Variants in UBA7 observed in about 807,000 individuals in gnomAD.
UBA7 encodes the protein ubiquitin-like modifier-activating enzyme 7.
UBA7 carries 88 observed loss-of-function variants against 113.0 expected under a neutral mutation model. That is an observed-to-expected ratio of 0.78 (90% CI 0.66 to 0.93). UBA7 has a LOEUF of 0.93. Ranked by LOEUF, UBA7 falls within the 40% of genes least tolerant of loss-of-function variation. The pLI is 0.00. For synonymous variants in UBA7, 459 were observed against 513.0 expected (o/e 0.89, Z 1.42); for missense variants, 1,092 against 1,266.4 (o/e 0.86, Z 2.09).
Position 49,807,723 on chromosome 3 carries a change from A to G in UBA7, c.2715+13T>C. On this transcript the variant is annotated intron_variant, in intron 21 of 23. Coordinates refer to ENST00000333486, the MANE Select transcript of UBA7 (RefSeq NM_003335.3). This position sits in a 1 kb window ranked among gnomAD's most constrained non-coding sequence, Gnocchi z 4.0. ...GGCCTAGTAGGGCTAAGGGTGGGGT[A>G]TCATGGGCTCACCGTCTGGATGGCT... 1.3e-6 allele frequency: 2 copies of G among 1,596,802 alleles called. No individual in the cohort carries two copies. The highest frequency in any genetic ancestry group is 1.7e-6 in the Non-Finnish European group (2 of 1,170,880).
chr3:49,806,270 A>G, intron 21 of UBA7, 105 bp from the exon 22 acceptor site: 1 of 723,694 alleles, frequency 1.4e-6, no homozygotes. Context: ...AGCAGGAAAC[A>G]GGAGCCAGGG....
intron 23 of UBA7, 33 bp from the exon 24 acceptor site, chr3:49,805,470 G>A (rs1270478276): frequency 3.1e-6 from 5 of 1,603,084 alleles, no homozygotes; most frequent in Non-Finnish European, 4.3e-6. Context: ...AGATTGGAGA[G>A]GTGAGCCATG....
At chr3:49,813,450 G>A (rs1327303291) in intron 2 of UBA7, 29 bp downstream of exon 2, 3 of 1,609,374 alleles carry the variant, frequency 1.9e-6, no homozygotes, top group Non-Finnish European at 2.5e-6. Flanking sequence ...ACCTTGGTCT[G>A]GCAGCCCATA....
Position 49,809,667 on chromosome 3 carries a change from C to T in UBA7, c.1963G>A (p.Val655Met). ...EPQTLTLLKP[V>M]LGVLRVRPQN... ...GGACGCACTCTCAGGACCCCAAGCA[C>T]TGGCTTCAGTAAGGTGAGTGTCTGT... Residue 655 changes from valine to methionine, a missense_variant, in exon 16 of 24, where the codon GTG (valine) becomes ATG (methionine). Physicochemically the swap from Val to Met is conservative, Grantham distance 21. This residue lies in a region of UBA7 where 500 missense variants were observed against 529.3 expected (regional missense o/e 0.94). Coordinates refer to ENST00000333486, the MANE Select transcript of UBA7 (RefSeq NM_003335.3). 6.2e-7 allele frequency: 1 copy of T among 1,614,144 alleles called. No homozygotes were observed. Among genetic ancestry groups the T allele is most frequent in the Non-Finnish European group, 8.5e-7 (1 of 1,180,042 alleles).
At chr3:49,813,212 C>T in intron 3 of UBA7, 37 bp downstream of exon 3, 2 of 1,613,368 alleles carry the variant, frequency 1.2e-6, no homozygotes, top group Non-Finnish European at 1.7e-6. Flanking sequence ...CATTGCCCAG[C>T]CCTTCCTGCT....
At chr3:49,811,191 C>T (rs2081539008) in intron 9 of UBA7, 82 bp downstream of exon 9, 1 of 1,600,976 alleles carries the variant, frequency 6.2e-7, no homozygotes. Flanking sequence ...TCCAGGGCTG[C>T]TCTCTAGCGC....
Position 49,810,447 on chromosome 3 carries a change from G to A in UBA7, c.1468-19C>T. On this transcript the variant is annotated intron_variant, in intron 12 of 23. Transcript: ENST00000333486. The surrounding 1 kb of genome is among the most constrained non-coding windows in gnomAD (Gnocchi z 5.6). Reference sequence around the variant, plus strand: ...TGGGTCTCTGGGAAGAAGGCAGGAAGATGTTGGGTGGGAAGCTGTATGGGA... The same window carrying A: ...TGGGTCTCTGGGAAGAAGGCAGGAAAATGTTGGGTGGGAAGCTGTATGGGA... 1 of 1,614,104 alleles carries A rather than the reference G, an allele frequency of 6.2e-7. No individual in the cohort carries two copies. Among genetic ancestry groups the A allele is most frequent in the Non-Finnish European group, 8.5e-7 (1 of 1,179,984 alleles).
At position 49,807,859 on chromosome 3, in the gene UBA7, C is replaced by T. The variant is rs145881892; in HGVS notation, c.2592G>A (p.Leu864=). 29 of 1,613,930 alleles carry T rather than the reference C, an allele frequency of 1.8e-5. No homozygotes were observed. In the African/African-American group the frequency reaches 3.6e-4, roughly 20 times the overall value. ...TCACCACCTTATACAGCTCCAGGCCCAACAGGCCTGCCACAGCTGCTGTAG... is the reference window on the plus strand; with the variant it reads ...TCACCACCTTATACAGCTCCAGGCCTAACAGGCCTGCCACAGCTGCTGTAG... ...ATTTAAVAGL[L]GLELYKVVSG... is the part of the protein sequence containing the mutation. Residue 864 remains leucine, a synonymous_variant, in exon 21 of 24, where the codon TTG becomes TTA. Transcript: ENST00000333486. This position sits in a 1 kb window ranked among gnomAD's most constrained non-coding sequence, Gnocchi z 4.0.
intron 5 of UBA7, 38 bp from the exon 6 acceptor site, chr3:49,812,581 C>T (rs1268997203): frequency 1.2e-6 from 2 of 1,614,134 alleles, no homozygotes; most frequent in African/African-American, 2.7e-5. Flanking sequence ...TTGCCTGGAC[C>T]TGCCTTCCAC....
In UBA7 at chr3:49,810,871, T is replaced by C. The variant is rs2081533744; in HGVS notation, c.1231-39A>G. The C allele has an allele frequency of 6.2e-7, 1 of 1,611,000 alleles. No homozygotes were observed. The highest frequency in any genetic ancestry group is 1.3e-5 in the African/African-American group (1 of 74,836). ...ACGGGGTCAGTGATGGCTACTGGCCTGCATCTCCTTCTTATACTGAGTTTT... is the reference window on the plus strand; with the variant it reads ...ACGGGGTCAGTGATGGCTACTGGCCCGCATCTCCTTCTTATACTGAGTTTT... On this transcript the variant is annotated intron_variant, in intron 10 of 23. Transcript: ENST00000333486. The surrounding 1 kb of genome is among the most constrained non-coding windows in gnomAD (Gnocchi z 5.6).
Position 49,810,067 on chromosome 3 carries a change from C to T in UBA7, c.1750G>A (p.Ala584Thr). 2 of 1,613,460 alleles carry T rather than the reference C, an allele frequency of 1.2e-6. No homozygotes were observed. The highest frequency in any genetic ancestry group is 1.7e-6 in the Non-Finnish European group (2 of 1,179,994). Residue 584 changes from alanine to threonine, a missense_variant, in exon 14 of 24, where the codon GCC becomes ACC. Physicochemically the swap from Ala to Thr is moderately conservative, Grantham distance 58 (BLOSUM62 0). Transcript: ENST00000333486. The surrounding 1 kb of genome is among the most constrained non-coding windows in gnomAD (Gnocchi z 5.6). ...FMPHVTEAYR[A>T]PASAAASEDA... The stretch of plus-strand genomic sequence containing the variant: ...TCAGAAGCTGCAGCTGAGGCAGGGG[C>T]TCTGTAGGCCTCAGTCACATGTGGC...
Position 49,809,419 on chromosome 3 carries a change from G to GAAA in UBA7, c.2133_2134insTTT (p.Cys711_Pro712insPhe). The stretch of plus-strand genomic sequence containing the variant: ...TTGGTGTCAAACTCCAAGGGCTGGG[G>GAAA]ACACTGTTTGGGACCTGACCAGAAG... On this transcript the variant is annotated inframe_insertion, in exon 17 of 24. Transcript: ENST00000333486. The GAAA allele has an allele frequency of 6.2e-7, 1 of 1,614,174 alleles. No individual in the cohort carries two copies. The highest frequency in any genetic ancestry group is 8.5e-7 in the Non-Finnish European group (1 of 1,180,016).
Position 49,809,687 on chromosome 3 carries a change from G to A in UBA7, c.1943C>T (p.Thr648Ile), listed in dbSNP as rs574504783. ...AAGCACTGGCTTCAGTAAGGTGAGT[G>A]TCTGTGGCTCATCCATGTCTGCCAG... ...TSLADMDEPQTLTLLKPVLGV... is the reference protein window; with the variant it reads ...TSLADMDEPQILTLLKPVLGV... Residue 648 changes from threonine (T) to isoleucine (I), a missense_variant, in exon 16 of 24, where the codon ACA (threonine) becomes ATA (isoleucine). Coordinates refer to ENST00000333486, the MANE Select transcript of UBA7 (RefSeq NM_003335.3). 1 of 1,614,124 alleles carries A rather than the reference G, an allele frequency of 6.2e-7. No individual in the cohort carries two copies. Among genetic ancestry groups the A allele is most frequent in the Non-Finnish European group, 8.5e-7 (1 of 1,180,030 alleles).
At chr3:49,809,343 G>A in intron 17 of UBA7, 47 bp downstream of exon 17, 1 of 1,602,130 alleles carries the variant, frequency 6.2e-7, no homozygotes, top group Non-Finnish European at 8.5e-7. Flanking sequence ...CCTCTGCTCT[G>A]AGGGGCCACA....
chr3:49,809,234 TTGAGTGCC>T, intron 17 of UBA7, 75 bp from the exon 18 acceptor site: 1 of 1,548,538 alleles, frequency 6.5e-7, no homozygotes, highest in Non-Finnish European at 8.7e-7. Flanking sequence ...GTGGATCTGT[TTGAGTGCC>T]TGCCTTTGCC....
rs1238540571 is a variant in UBA7, at chr3:49,807,033, A to G, written c.2715+703T>C. Among the ~76,000 whole-genome samples, 2 of 152,158 alleles carry G rather than the reference A, an allele frequency of 1.3e-5. No individual in the cohort carries two copies. The highest frequency in any genetic ancestry group is 2.4e-5 in the African/African-American group (1 of 41,432). Reference sequence around the variant, plus strand: ...TCATCCTTGCCCCAAGGAAATGCCAACTGCAGAGCCTGGGCACAAGGCTGG... The same window carrying G: ...TCATCCTTGCCCCAAGGAAATGCCAGCTGCAGAGCCTGGGCACAAGGCTGG... On this transcript the variant is annotated intron_variant, in intron 21 of 23. Transcript: ENST00000333486. The surrounding 1 kb of genome is among the most constrained non-coding windows in gnomAD (Gnocchi z 4.0).
Position 49,809,652 on chromosome 3 carries a change from T to C in UBA7, c.1978A>G (p.Arg660Gly), listed in dbSNP as rs1464605309. 6.2e-7 allele frequency: 1 copy of C among 1,614,072 alleles called. No homozygotes were observed. The highest frequency in any genetic ancestry group is 1.7e-5 in the Admixed American group (1 of 60,012). Reference protein sequence around the residue: ...TLLKPVLGVLRVRPQNWQDCV... With the variant: ...TLLKPVLGVLGVRPQNWQDCV... Reference sequence around the variant, plus strand: ...TCTTGCCAGTTCTGTGGACGCACTCTCAGGACCCCAAGCACTGGCTTCAGT... The same window carrying C: ...TCTTGCCAGTTCTGTGGACGCACTCCCAGGACCCCAAGCACTGGCTTCAGT... Residue 660 changes from arginine (R) to glycine (G), a missense_variant, in exon 16 of 24, where the codon AGA becomes GGA. Coordinates refer to ENST00000333486, the MANE Select transcript of UBA7 (RefSeq NM_003335.3).
chr3:49,813,302 G>A lies in UBA7; in HGVS notation c.307C>T (p.Gln103Ter), dbSNP rs1398981859. The part of the protein sequence containing the change: ...ELLAQLNRAV[Q>*]VVVHTGDITE... ...ATGTCACCCGTGTGCACGACGACCT[G>A]GACAGCTCTGTTGAGCTGAGCCAAG... is the stretch of plus-strand genomic sequence containing the variant. Residue 103 changes from glutamine to a stop codon, truncating the protein, a stop_gained, in exon 3 of 24, where the codon CAG becomes TAG. Transcript: ENST00000333486. LOFTEE classifies it high-confidence loss of function. 3 of 1,614,204 alleles carry A rather than the reference G, an allele frequency of 1.9e-6. No homozygotes were observed. The highest frequency in any genetic ancestry group is 4.5e-5 in the East Asian group (2 of 44,890).
In UBA7 at chr3:49,810,926, T is replaced by A. The variant is rs2081534451; in HGVS notation, c.1230+58A>T. 6.2e-7 allele frequency: 1 copy of A among 1,609,918 alleles called. No individual in the cohort carries two copies. On this transcript the variant is annotated intron_variant, in intron 10 of 23. Coordinates refer to ENST00000333486, the MANE Select transcript of UBA7 (RefSeq NM_003335.3). This position sits in a 1 kb window ranked among gnomAD's most constrained non-coding sequence, Gnocchi z 5.6. ...ATCAGGACCTGGAGGGCATTCCTCA[T>A]GCTTCTCCCCTAGTCCTGATTTTGG...
Sources: allele counts gnomAD v4.1 joint callset (sites outside exome capture counted in the v4.1 genomes callset), GRCh38; gene constraint gnomAD v4.1.1; regional missense constraint gnomAD v4.1.1; non-coding constraint Gnocchi (gnomAD v3.1); transcripts MANE v1.5; gene names NCBI Gene and HGNC (gene_info 2026-07-23, HGNC 2026-07-21).